CFAP61: variants seen among roughly 807,000 people sequenced by gnomAD.
CFAP61 encodes the protein cilia- and flagella-associated protein 61.
A neutral mutation model predicts 135.6 loss-of-function variants in CFAP61; 107 were observed. That is an observed-to-expected ratio of 0.79 (90% CI 0.67 to 0.93). CFAP61 has a LOEUF of 0.93. Ranked by LOEUF, CFAP61 falls within the 40% of genes least tolerant of loss-of-function variation. The pLI is 0.00. For synonymous variants in CFAP61, 575 were observed against 578.5 expected (o/e 0.99, Z 0.09); for missense variants, 1,507 against 1,556.2 (o/e 0.97, Z 0.53).
rs771466480 is a variant in CFAP61 at position 20,196,620 on chromosome 20, C to A, written c.1641C>A (p.Phe547Leu). 6.2e-7 allele frequency: 1 copy of A among 1,614,184 alleles called. No individual in the cohort carries two copies. The highest frequency in any genetic ancestry group is 8.5e-7 in the Non-Finnish European group (1 of 1,180,034). Reference protein sequence around the residue: ...SHYNIEDFIYFSHHQREEHGH... With the variant: ...SHYNIEDFIYLSHHQREEHGH... ...ACAACATTGAAGATTTCATCTACTTCAGTCACCACCAGCGCGAAGAACACG... is the reference window on the plus strand; with the variant it reads ...ACAACATTGAAGATTTCATCTACTTAAGTCACCACCAGCGCGAAGAACACG... The change falls in exon 16 of 27, where the codon TTC becomes TTA. Residue 547 changes from phenylalanine to leucine, a missense_variant. Coordinates refer to ENST00000245957, the MANE Select transcript of CFAP61 (RefSeq NM_015585.4).
intron 9 of CFAP61, among the ~76,000 whole-genome samples, chr20:20,151,988 A>G (rs2052473957): frequency 6.6e-6 from 1 of 152,120 alleles, no homozygotes; most frequent in African/African-American, 2.4e-5. Context: ...GCGACCTATA[A>G]AGGAAAACGT....
At chr20:20,272,630 C>A (rs1479200050) in intron 21 of CFAP61, among the ~76,000 whole-genome samples, 1 of 152,102 alleles carries the variant, frequency 6.6e-6, no homozygotes, top group East Asian at 1.9e-4. Flanking sequence ...AACAGAGTGT[C>A]CCCCGGCTCC....
At chr20:20,331,169 G>T (rs932161316) in intron 25 of CFAP61, among the ~76,000 whole-genome samples, 1 of 152,090 alleles carries the variant, frequency 6.6e-6, no homozygotes, top group Non-Finnish European at 1.5e-5. Flanking sequence ...GCATCCTACT[G>T]TAAGGAAGAA....
At chr20:20,294,976 T>C (rs913032497) in intron 24 of CFAP61, among the ~76,000 whole-genome samples, 2 of 144,952 alleles carry the variant, frequency 1.4e-5, no homozygotes, top group African/African-American at 2.5e-5. Flanking sequence ...ATAATAATAA[T>C]ACCAAAAAAT....
chr20:20,212,762 T>C (rs571172795), intron 17 of CFAP61, among the ~76,000 whole-genome samples: 4 of 152,334 alleles, frequency 2.6e-5, no homozygotes, highest in Admixed American at 6.5e-5. Flanking sequence ...CAGGGCCTGT[T>C]CTGCTTCGCT....
chr20:20,318,812 T>C (rs1209920228), intron 25 of CFAP61, among the ~76,000 whole-genome samples: 1 of 152,226 alleles, frequency 6.6e-6, no homozygotes, highest in African/African-American at 2.4e-5. Context: ...GGAGGGATCC[T>C]GGGCAGACAA....
intron 23 of CFAP61, among the ~76,000 whole-genome samples, chr20:20,290,024 G>A (rs1210817863): frequency 6.6e-6 from 1 of 152,200 alleles, no homozygotes. Context: ...TAAAGGGCGG[G>A]GAGCTCCGGA....
At chr20:20,089,024 T>A (rs1033793619) in intron 6 of CFAP61, among the ~76,000 whole-genome samples, 34 of 152,282 alleles carry the variant, frequency 2.2e-4, no homozygotes, top group Admixed American at 1.8e-3. Context: ...GATTCGTTCC[T>A]GCAGGGCGCA....
At chr20:20,079,712 A>G (rs2046304669) in intron 6 of CFAP61, among the ~76,000 whole-genome samples, 1 of 152,198 alleles carries the variant, frequency 6.6e-6, no homozygotes, top group South Asian at 2.1e-4. Context: ...CCTCATATAA[A>G]ATGATCTTTC....
At chr20:20,350,036 G>T (rs1271944065) in intron 26 of CFAP61, among the ~76,000 whole-genome samples, 1 of 152,184 alleles carries the variant, frequency 6.6e-6, no homozygotes, top group African/African-American at 2.4e-5. Flanking sequence ...TAGATATATA[G>T]ATCAATGGAC....
chr20:20,302,840 T>C (rs1281272157), intron 25 of CFAP61, among the ~76,000 whole-genome samples: 2 of 152,224 alleles, frequency 1.3e-5, no homozygotes, highest in African/African-American at 4.8e-5. Context: ...CTAAGCATTC[T>C]TACCATGAAT....
intron 8 of CFAP61, among the ~76,000 whole-genome samples, chr20:20,099,522 C>T (rs1230371772): frequency 6.6e-6 from 1 of 152,074 alleles, no homozygotes; most frequent in Non-Finnish European, 1.5e-5. Context: ...CAATTCACTT[C>T]TCCAAAGCTG....
At position 20,196,694 on chromosome 20, in the gene CFAP61, A is replaced by G. The variant is rs545926031; in HGVS notation, c.1715A>G (p.Lys572Arg). The change falls in exon 16 of 27, where the codon AAG becomes AGG. Residue 572 changes from lysine (K) to arginine (R), a missense_variant. Transcript: ENST00000245957. Reference protein sequence around the residue: ...ALNPIFRHYTKFFLKEILRLG... With the variant: ...ALNPIFRHYTRFFLKEILRLG... ...AACCCCATTTTCCGGCACTACACCA[A>G]GTTCTTTCTGAAGGAGATCCTGCGT... 3.7e-6 allele frequency: 6 copies of G among 1,614,102 alleles called. No homozygotes were observed. Among genetic ancestry groups the G allele is most frequent in the Middle Eastern group, 3.3e-4 (2 of 6,062 alleles).
At chr20:20,331,948 T>C (rs1359429430) in intron 25 of CFAP61, among the ~76,000 whole-genome samples, 1 of 152,178 alleles carries the variant, frequency 6.6e-6, no homozygotes, top group Non-Finnish European at 1.5e-5. Context: ...CACTAAGAGC[T>C]TCCCCTTTTC....
intron 2 of CFAP61, among the ~76,000 whole-genome samples, chr20:20,058,355 TGTAG>T (rs1268171258): frequency 2.0e-5 from 3 of 152,216 alleles, no homozygotes; most frequent in Non-Finnish European, 4.4e-5. Flanking sequence ...CTAAGGACTG[TGTAG>T]GGAACATTAT....
chr20:20,167,949 C>T (rs888618571), intron 12 of CFAP61, among the ~76,000 whole-genome samples: 2 of 152,070 alleles, frequency 1.3e-5, no homozygotes, highest in Non-Finnish European at 2.9e-5. Flanking sequence ...CTCAGATAGC[C>T]TAGAGCAGCA....
intron 8 of CFAP61, among the ~76,000 whole-genome samples, chr20:20,116,189 A>C (rs1370705903): frequency 6.6e-6 from 1 of 152,144 alleles, no homozygotes; most frequent in Non-Finnish European, 1.5e-5. Context: ...TGTGATGATT[A>C]GTGATGTTGA....
chr20:20,113,649 T>C (rs2048944375), intron 8 of CFAP61, among the ~76,000 whole-genome samples: 1 of 152,212 alleles, frequency 6.6e-6, no homozygotes, highest in African/African-American at 2.4e-5. Context: ...CCACACGTAA[T>C]CGATTTTCAC....
Position 20,159,430 on chromosome 20 carries a change from G to A in CFAP61, c.1012G>A (p.Val338Ile), listed in dbSNP as rs866466993. ...TTTAACAGCAGTCCAAAGTGGAAATGTTAGTGAACCGGAGGTAGGGTTTGA... is the reference window on the plus strand; with the variant it reads ...TTTAACAGCAGTCCAAAGTGGAAATATTAGTGAACCGGAGGTAGGGTTTGA... ...EALTAVQSGN[V>I]SEPEDIEKLS... is the part of the protein sequence containing the mutation. The change falls in exon 10 of 27, where the codon GTT (valine) becomes ATT (isoleucine). Residue 338 changes from valine to isoleucine, a missense_variant. Physicochemically the swap from Val to Ile is conservative, Grantham distance 29 (BLOSUM62 3). Coordinates refer to ENST00000245957, the MANE Select transcript of CFAP61 (RefSeq NM_015585.4). The A allele has an allele frequency of 1.2e-6, 2 of 1,613,910 alleles. No homozygotes were observed. Among genetic ancestry groups the A allele is most frequent in the Middle Eastern group, 1.7e-4 (1 of 6,060 alleles).
Sources: allele counts gnomAD v4.1 joint callset (sites outside exome capture counted in the v4.1 genomes callset), GRCh38; gene constraint gnomAD v4.1.1; transcripts MANE v1.5; gene names NCBI Gene and HGNC (gene_info 2026-07-23, HGNC 2026-07-21).